PGBD5: variants seen among roughly 807,000 people sequenced by gnomAD.
PGBD5 encodes piggyBac transposable element derived 5, also known as piggyBac transposable element-derived protein 5.
In PGBD5, 14 loss-of-function variants were observed where a neutral mutation model predicts 47.9. The observed-to-expected ratio is 0.29, with a 90% CI of 0.19 to 0.46. PGBD5 has a LOEUF of 0.46. Ranked by LOEUF, PGBD5 falls within the 20% of genes least tolerant of loss-of-function variation. The probability of loss-of-function intolerance (pLI) is 1.00; values close to 1 mark genes in which losing one functional copy is unlikely to be tolerated. For missense variants in PGBD5, 635 were observed against 716.0 expected (o/e 0.89, Z 1.29); for synonymous variants, 316 against 306.3 (o/e 1.03, Z -0.33).
At chr1:230,374,811 C>A (rs1404598421) in intron 1 of PGBD5, among the ~76,000 whole-genome samples, 1 of 152,194 alleles carries the variant, frequency 6.6e-6, no homozygotes, top group African/African-American at 2.4e-5. Context: ...GGCTGATATT[C>A]TGTGTATTCC....
intron 1 of PGBD5, among the ~76,000 whole-genome samples, chr1:230,413,454 C>T (rs1315427810): frequency 1.3e-5 from 2 of 152,150 alleles, no homozygotes; most frequent in South Asian, 2.1e-4. Flanking sequence ...GAGCCGTGAT[C>T]GCATCATCGC....
chr1:230,403,176 C>T (rs1657184839), intron 1 of PGBD5, among the ~76,000 whole-genome samples: 1 of 152,190 alleles, frequency 6.6e-6, no homozygotes, highest in African/African-American at 2.4e-5. Context: ...CAAAGCACAC[C>T]CCATTCAATT....
At chr1:230,368,752 T>C (rs12405197) in intron 1 of PGBD5, among the ~76,000 whole-genome samples, 55,643 of 152,176 alleles carry the variant, frequency 0.37, 10,323 homozygotes, top group Non-Finnish European at 0.41. Context: ...TCTGGCAGCC[T>C]GAAGTACAGG....
rs1231275731 is a variant in PGBD5, at chr1:230,314,618, A to T, written c.*8807T>A. 8.9e-6 allele frequency: 1 copy of T among 112,130 alleles called. No individual in the cohort carries two copies. The highest frequency in any genetic ancestry group is 2.7e-4 in the East Asian group (1 of 3,704). The allele number at this position is 112,130 out of a possible 1,614,324, so 6.9% of individuals were successfully genotyped here. ...TTTTTTTTTTTTTGCCACATTTCAC[A>T]TTTGAGAACCCAGAATTCAGCTCCT... On this transcript the variant is annotated 3_prime_UTR_variant, in exon 7 of 7. Transcript: ENST00000391860.
rs534612494 is a variant in PGBD5 at position 230,316,173 on chromosome 1, C to G, written c.*7252G>C. The G allele has an allele frequency of 9.7e-6, 1 of 102,988 alleles. No homozygotes were observed. Among genetic ancestry groups the G allele is most frequent in the South Asian group, 3.3e-4 (1 of 3,042 alleles). 6.4% of individuals were successfully genotyped at this position (102,988 alleles called of 1,614,324 possible). On this transcript the variant is annotated 3_prime_UTR_variant, in exon 7 of 7. Transcript: ENST00000391860. The stretch of plus-strand genomic sequence containing the variant: ...ACACATATATGTATGTGTATACATA[C>G]ATACGTACACATGTGCATGTGTATA...
chr1:230,377,226 C>T lies in PGBD5; in HGVS notation c.332-19905G>A, dbSNP rs114242349. On this transcript the variant is annotated intron_variant, in intron 1 of 6. Coordinates refer to ENST00000391860, the MANE Select transcript of PGBD5 (RefSeq NM_001258311.2). ...TGAGATAAGAAGGAATGGTGGTTTA[C>T]CTCCAACAGAAGAGAGGGACAGATG... is the stretch of plus-strand genomic sequence containing the variant. Among the ~76,000 whole-genome samples the T allele has an allele frequency of 5.0e-3, 766 of 152,284 alleles. 5 individuals carry two copies. The highest frequency in any genetic ancestry group is 0.018 in the African/African-American group (741 of 41,568).
At chr1:230,396,180 A>ACTC (rs1326224685) in intron 1 of PGBD5, among the ~76,000 whole-genome samples, 14 of 85,580 alleles carry the variant, frequency 1.6e-4, no homozygotes, top group African/African-American at 7.5e-4. Flanking sequence ...TTTTACCCAC[A>ACTC]TTCCTTTTTA....
intron 1 of PGBD5, among the ~76,000 whole-genome samples, chr1:230,359,645 A>C (rs1667712571): frequency 6.6e-6 from 1 of 152,170 alleles, no homozygotes; most frequent in South Asian, 2.1e-4. Context: ...AGGAATACCT[A>C]CTTTGAAAGG....
chr1:230,414,821 A>G (rs908564367), intron 1 of PGBD5, among the ~76,000 whole-genome samples: 1 of 152,242 alleles, frequency 6.6e-6, no homozygotes, highest in Non-Finnish European at 1.5e-5. Context: ...GGAGATGAAG[A>G]CTGCTTTACA....
intron 1 of PGBD5, among the ~76,000 whole-genome samples, chr1:230,388,606 AG>A (rs1338855874): frequency 1.3e-5 from 2 of 152,020 alleles, no homozygotes; most frequent in African/African-American, 4.8e-5. Flanking sequence ...TAGTGGAGAC[AG>A]GGTTTCACCA....
At chr1:230,384,265 T>A in intron 1 of PGBD5, among the ~76,000 whole-genome samples, 1 of 152,160 alleles carries the variant, frequency 6.6e-6, no homozygotes. Context: ...GTACTTTCAA[T>A]GTTGTGACTC....
chr1:230,418,598 C>T (rs1333617431), intron 1 of PGBD5, among the ~76,000 whole-genome samples: 1 of 152,196 alleles, frequency 6.6e-6, no homozygotes, highest in Admixed American at 6.5e-5. Flanking sequence ...GCCTCACCCA[C>T]CTCAGCCTTT....
chr1:230,344,854 T>C (rs554463882), intron 3 of PGBD5, among the ~76,000 whole-genome samples: 10 of 152,192 alleles, frequency 6.6e-5, no homozygotes, highest in Non-Finnish European at 1.3e-4. Context: ...CTCCTTGACA[T>C]GACAGCCACC....
chr1:230,413,099 T>C (rs939172054), intron 1 of PGBD5, among the ~76,000 whole-genome samples: 2 of 152,138 alleles, frequency 1.3e-5, no homozygotes, highest in African/African-American at 4.8e-5. Flanking sequence ...CTGCGGTACA[T>C]TGTTTTGCTT....
chr1:230,336,960 G>T, intron 4 of PGBD5, 148 bp downstream of exon 4: 1 of 861,738 alleles, frequency 1.2e-6, no homozygotes, highest in Non-Finnish European at 1.8e-6. Context: ...TGGCTGAGAC[G>T]CATCTGTTCC....
At chr1:230,346,383 G>A (rs772135364) in intron 3 of PGBD5, among the ~76,000 whole-genome samples, 5 of 152,114 alleles carry the variant, frequency 3.3e-5, no homozygotes, top group Non-Finnish European at 5.9e-5. Context: ...TCACAGGGAC[G>A]TAACCCCATT....
chr1:230,426,257 ACCG>A lies in PGBD5; in HGVS notation c.-332_-330del. On this transcript the variant is annotated 5_prime_UTR_variant, in exon 1 of 7. Transcript: ENST00000391860. ...CGCCACCGCCGCCACCACCGCCACC[ACCG>A]CCGCCGCTGCGTCTCCTCGGCGCCC... 6.8e-6 allele frequency: 1 copy of A among 146,236 alleles called. No homozygotes were observed. The highest frequency in any genetic ancestry group is 1.5e-5 in the Non-Finnish European group (1 of 67,774). The allele number at this position is 146,236 out of a possible 1,614,324, so 9.1% of individuals were successfully genotyped here.
At chr1:230,396,019 C>T (rs963849107) in intron 1 of PGBD5, among the ~76,000 whole-genome samples, 1 of 143,324 alleles carries the variant, frequency 7.0e-6, no homozygotes, top group Non-Finnish European at 1.5e-5. Flanking sequence ...TTGCTTCCCT[C>T]TTTCTGCTCC....
chr1:230,317,814 C>G lies in PGBD5; in HGVS notation c.*5611G>C, dbSNP rs1026913418. 4.6e-4 allele frequency: 70 copies of G among 152,250 alleles called. No individual in the cohort carries two copies. The highest frequency in any genetic ancestry group is 1.7e-3 in the African/African-American group (69 of 41,442). The allele number at this position is 152,250 out of a possible 1,614,324, so 9.4% of individuals were successfully genotyped here. ...ATCTCCAAATACATGCACACAAGGT[C>G]AAGCTTCCAGGCAACTAAGGAAAAA... On this transcript the variant is annotated 3_prime_UTR_variant, in exon 7 of 7. Transcript: ENST00000391860.
Sources: gnomAD v4.1 joint callset for allele counts (sites outside exome capture counted in the v4.1 genomes callset) on GRCh38, gnomAD v4.1.1 for gene constraint, MANE v1.5 for transcripts, NCBI Gene and HGNC (gene_info 2026-07-23, HGNC 2026-07-21) for gene names.